GRM3: variants seen among roughly 807,000 people sequenced by gnomAD.
GRM3 encodes the protein metabotropic glutamate receptor 3.
GRM3 carries 26 observed loss-of-function variants against 70.5 expected under a neutral mutation model. The ratio of observed to expected loss-of-function variants is 0.37; its 90% confidence interval spans 0.27 to 0.51. GRM3 has a LOEUF of 0.51. GRM3 is among the 20% of genes least tolerant of loss of function. The probability of loss-of-function intolerance (pLI) is 0.93; values close to 1 mark genes in which losing one functional copy is unlikely to be tolerated. For synonymous variants in GRM3, 443 were observed against 434.9 expected (o/e 1.02, Z -0.23); for missense variants, 859 against 1,123.8 (o/e 0.76, Z 3.37).
intron 1 of GRM3, among the ~76,000 whole-genome samples, chr7:86,703,863 C>T (rs982290120): frequency 6.6e-6 from 1 of 151,776 alleles, no homozygotes; most frequent in South Asian, 2.1e-4. Context: ...ATAAACCTGC[C>T]CTAGACACTA....
At chr7:86,766,558 T>C (rs922143259) in intron 2 of GRM3, among the ~76,000 whole-genome samples, 18 of 152,136 alleles carry the variant, frequency 1.2e-4, no homozygotes, top group African/African-American at 4.3e-4. Context: ...ACTTCATCAT[T>C]TTCCCAATCC....
intron 1 of GRM3, among the ~76,000 whole-genome samples, chr7:86,705,502 C>T (rs1795036046): frequency 6.6e-6 from 1 of 151,968 alleles, no homozygotes; most frequent in Admixed American, 6.6e-5. Flanking sequence ...GAACTAGCTG[C>T]ATGGTTTAAG....
At chr7:86,823,551 A>G (rs1477385947) in intron 3 of GRM3, among the ~76,000 whole-genome samples, 1 of 144,198 alleles carries the variant, frequency 6.9e-6, no homozygotes, top group Non-Finnish European at 1.5e-5. Flanking sequence ...AGCTAGAACT[A>G]ACAGAAATTC....
At chr7:86,689,424 A>T (rs1794645175) in intron 1 of GRM3, among the ~76,000 whole-genome samples, 3 of 152,102 alleles carry the variant, frequency 2.0e-5, no homozygotes, top group African/African-American at 7.2e-5. Context: ...CAGGAAAATA[A>T]ATCATAAATA....
chr7:86,835,514 C>T (rs1798439968), intron 3 of GRM3, among the ~76,000 whole-genome samples: 2 of 152,082 alleles, frequency 1.3e-5, no homozygotes, highest in Non-Finnish European at 2.9e-5. Flanking sequence ...AAGGTTTTAG[C>T]AATCTGTTTG....
chr7:86,778,359 A>G (rs1796950970), intron 2 of GRM3, among the ~76,000 whole-genome samples: 1 of 152,200 alleles, frequency 6.6e-6, no homozygotes, highest in Non-Finnish European at 1.5e-5. Context: ...AAACTTCTGA[A>G]AATAATTCTC....
chr7:86,677,841 A>C (rs1794344975), intron 1 of GRM3, among the ~76,000 whole-genome samples: 1 of 151,998 alleles, frequency 6.6e-6, no homozygotes, highest in East Asian at 1.9e-4. Flanking sequence ...ATGAGAAATA[A>C]TAATCTAAAT....
rs1396361685 is a variant in GRM3, at chr7:86,786,317, C to A, written c.525C>A (p.Ser175Arg). ...QIPQISYAST[S>R]AKLSDKSRYD... is the part of the protein sequence containing the mutation. The stretch of plus-strand genomic sequence containing the variant: ...CTCAGATCAGCTACGCATCCACCAG[C>A]GCCAAACTCAGTGATAAGTCGCGCT... Residue 175 changes from serine to arginine, a missense_variant, in exon 3 of 6, where the codon AGC becomes AGA. Coordinates refer to ENST00000361669, the MANE Select transcript of GRM3 (RefSeq NM_000840.3). The surrounding 1 kb of genome is among the most constrained non-coding windows in gnomAD (Gnocchi z 6.0). 1 of 1,614,078 alleles carries A rather than the reference C, an allele frequency of 6.2e-7. No individual in the cohort carries two copies. The highest frequency in any genetic ancestry group is 1.1e-5 in the South Asian group (1 of 91,072).
chr7:86,798,892 C>G (rs7804907), intron 3 of GRM3, among the ~76,000 whole-genome samples: 1 of 151,912 alleles, frequency 6.6e-6, no homozygotes, highest in Non-Finnish European at 1.5e-5. Context: ...CCTGACACCA[C>G]GTTTATGTGA....
rs147409511 is a variant in GRM3 at position 86,775,580 on chromosome 7, T to C, written c.468+9967T>C. On this transcript the variant is annotated intron_variant, in intron 2 of 5. Transcript: ENST00000361669. ...TGTCATTTCCTTAATAAAAAAAAAT[T>C]AATAGCTTTTTATCTCTTAAAGAAC... 2.8e-3 allele frequency among the ~76,000 whole-genome samples: 427 copies of C among 152,094 alleles called. 4 individuals are homozygous for C. The highest frequency in any genetic ancestry group is 9.9e-3 in the African/African-American group (412 of 41,526).
intron 1 of GRM3, among the ~76,000 whole-genome samples, chr7:86,657,621 A>T (rs1025762468): frequency 2.0e-5 from 3 of 152,176 alleles, no homozygotes; most frequent in Admixed American, 6.5e-5. Context: ...GGCAGAGGAA[A>T]ATCTCTGAAG....
chr7:86,725,164 T>G (rs1422931735), intron 1 of GRM3, among the ~76,000 whole-genome samples: 1 of 152,160 alleles, frequency 6.6e-6, no homozygotes, highest in Non-Finnish European at 1.5e-5. Context: ...CTCTCTTCTT[T>G]GATTTTCTTA....
chr7:86,819,649 C>T (rs1422113373), intron 3 of GRM3, among the ~76,000 whole-genome samples: 2 of 152,120 alleles, frequency 1.3e-5, no homozygotes, highest in African/African-American at 2.4e-5. Flanking sequence ...GGACTCGTGT[C>T]AAAACTGCAA....
intron 1 of GRM3, among the ~76,000 whole-genome samples, chr7:86,663,185 T>TA (rs1793938096): frequency 6.6e-6 from 1 of 151,810 alleles, no homozygotes; most frequent in Non-Finnish European, 1.5e-5. Context: ...TACTTCTACT[T>TA]ATAGTTACAC....
Position 86,786,081 on chromosome 7 carries a change from T to C in GRM3, c.469-180T>C. Reference sequence around the variant, plus strand: ...CCTGTGTGAGACCTGCTTCCTAGTGTCCAAAATACAGTATCCAAGGAAGCA... The same window carrying C: ...CCTGTGTGAGACCTGCTTCCTAGTGCCCAAAATACAGTATCCAAGGAAGCA... On this transcript the variant is annotated intron_variant, in intron 2 of 5. Coordinates refer to ENST00000361669, the MANE Select transcript of GRM3 (RefSeq NM_000840.3). This position sits in a 1 kb window ranked among gnomAD's most constrained non-coding sequence, Gnocchi z 6.0. 1.5e-6 allele frequency: 1 copy of C among 650,714 alleles called. No homozygotes were observed. Among genetic ancestry groups the C allele is most frequent in the Non-Finnish European group, 2.7e-6 (1 of 365,002 alleles). 40.3% of individuals were successfully genotyped at this position (650,714 alleles called of 1,614,324 possible).
At chr7:86,830,609 A>G (rs1798330934) in intron 3 of GRM3, among the ~76,000 whole-genome samples, 1 of 152,212 alleles carries the variant, frequency 6.6e-6, no homozygotes, top group Admixed American at 6.5e-5. Flanking sequence ...CCTCATCACT[A>G]CATGATGAAT....
intron 3 of GRM3, among the ~76,000 whole-genome samples, chr7:86,828,358 A>T (rs1004127334): frequency 1.4e-4 from 21 of 152,170 alleles, no homozygotes; most frequent in Admixed American, 1.4e-3. Context: ...ACAATTTACT[A>T]TTATATACAA....
chr7:86,730,130 C>A (rs1435816982), intron 1 of GRM3, among the ~76,000 whole-genome samples: 4 of 144,870 alleles, frequency 2.8e-5, no homozygotes, highest in Non-Finnish European at 6.0e-5. Context: ...AAATAAAATA[C>A]CATAACTCAG....
chr7:86,824,059 A>C (rs1798183483), intron 3 of GRM3, among the ~76,000 whole-genome samples: 1 of 152,170 alleles, frequency 6.6e-6, no homozygotes, highest in Non-Finnish European at 1.5e-5. Flanking sequence ...GGAGCGCATG[A>C]AGACGACCAA....
Sources: allele counts gnomAD v4.1 joint callset (sites outside exome capture counted in the v4.1 genomes callset), GRCh38; gene constraint gnomAD v4.1.1; non-coding constraint Gnocchi (gnomAD v3.1); transcripts MANE v1.5; gene names NCBI Gene and HGNC (gene_info 2026-07-23, HGNC 2026-07-21).